RAB31: variants seen among roughly 807,000 people sequenced by gnomAD.
RAB31 encodes RAB31, member RAS oncogene family.
A neutral mutation model predicts 25.6 loss-of-function variants in RAB31; 21 were observed. That is an observed-to-expected ratio of 0.82 (90% CI 0.58 to 1.18). The LOEUF is 1.18. Among genes scored for constraint, RAB31 ranks in the 50% most tolerant of loss-of-function variants. RAB31 has a pLI of 0.00. For synonymous variants in RAB31, 87 were observed against 84.0 expected (o/e 1.04, Z -0.20); for missense variants, 196 against 250.1 (o/e 0.78, Z 1.46).
intron 1 of RAB31, among the ~76,000 whole-genome samples, chr18:9,737,215 C>G (rs2068155375): frequency 6.6e-6 from 1 of 152,158 alleles, no homozygotes; most frequent in Non-Finnish European, 1.5e-5. Context: ...CAGTTTAATT[C>G]TATAGCAGTC....
At position 9,853,462 on chromosome 18, in the gene RAB31, C is replaced by T. The variant is rs144338597; in HGVS notation, c.491-5766C>T. Among the ~76,000 whole-genome samples, 545 of 152,292 alleles carry T rather than the reference C, an allele frequency of 3.6e-3. 1 individual carries two copies. Among genetic ancestry groups the T allele is most frequent in the Non-Finnish European group, 6.3e-3 (428 of 68,028 alleles). On this transcript the variant is annotated intron_variant, in intron 6 of 6. Coordinates refer to ENST00000578921, the MANE Select transcript of RAB31 (RefSeq NM_006868.4). ...GCTACACACTGTATGACTCCAACTA[C>T]ATGACACTCTGGAGAAGACAAAATT...
At chr18:9,749,632 C>T (rs2068223932) in intron 1 of RAB31, among the ~76,000 whole-genome samples, 1 of 152,126 alleles carries the variant, frequency 6.6e-6, no homozygotes, top group Non-Finnish European at 1.5e-5. Context: ...TTTTGTCTTC[C>T]TTAAATTAGA....
rs188716478 is a variant in RAB31 at position 9,856,760 on chromosome 18, G to A, written c.491-2468G>A. ...AGGTGCAAAAGCAAAAGTCCTGATT[G>A]CAGTGTGTAACACACTCAGGAGGCT... On this transcript the variant is annotated intron_variant, in intron 6 of 6. Transcript: ENST00000578921. 1.3e-4 allele frequency among the ~76,000 whole-genome samples: 20 copies of A among 152,250 alleles called. No homozygotes were observed. In the East Asian group the frequency reaches 3.3e-3, roughly 25 times the overall value.
At chr18:9,834,388 T>C (rs889686240) in intron 5 of RAB31, among the ~76,000 whole-genome samples, 1 of 152,192 alleles carries the variant, frequency 6.6e-6, no homozygotes, top group Non-Finnish European at 1.5e-5. Context: ...AGTGCTGGGA[T>C]TACAGGCTTG....
At chr18:9,800,988 C>G (rs188349430) in intron 3 of RAB31, among the ~76,000 whole-genome samples, 178 of 152,246 alleles carry the variant, frequency 1.2e-3, no homozygotes, top group African/African-American at 4.2e-3. Flanking sequence ...TCTACATCCC[C>G]CAGCCCTGGG....
rs561250101 is a variant in RAB31 at position 9,778,033 on chromosome 18, G to A, written c.119+2676G>A. Among the ~76,000 whole-genome samples, 173 of 152,166 alleles carry A rather than the reference G, an allele frequency of 1.1e-3. 2 individuals are homozygous for A. The highest frequency in any genetic ancestry group is 2.2e-3 in the Non-Finnish European group (153 of 68,012). On this transcript the variant is annotated intron_variant, in intron 2 of 6. Transcript: ENST00000578921. ...CTCCCAAAGTGCTGGGATTACAGGCGTGAGCCACTGCACCCGGCCTGTAAT... is the reference window on the plus strand; with the variant it reads ...CTCCCAAAGTGCTGGGATTACAGGCATGAGCCACTGCACCCGGCCTGTAAT...
At chr18:9,762,054 T>A (rs776541619) in intron 1 of RAB31, among the ~76,000 whole-genome samples, 1 of 152,140 alleles carries the variant, frequency 6.6e-6, no homozygotes, top group Non-Finnish European at 1.5e-5. Flanking sequence ...GTGATCCACC[T>A]GCCTCGGCCT....
At chr18:9,854,716 G>A (rs972131101) in intron 6 of RAB31, among the ~76,000 whole-genome samples, 1 of 152,172 alleles carries the variant, frequency 6.6e-6, no homozygotes, top group Non-Finnish European at 1.5e-5. Context: ...ACTTCAAGTA[G>A]CATGTGTGTG....
At chr18:9,773,059 T>C (rs950774572) in intron 1 of RAB31, among the ~76,000 whole-genome samples, 1 of 152,202 alleles carries the variant, frequency 6.6e-6, no homozygotes, top group Non-Finnish European at 1.5e-5. Flanking sequence ...ATTTGCACGA[T>C]GCAGATAAAC....
intron 1 of RAB31, among the ~76,000 whole-genome samples, chr18:9,762,604 C>CT (rs2068294888): frequency 6.6e-6 from 1 of 152,158 alleles, no homozygotes; most frequent in African/African-American, 2.4e-5. Context: ...GCCACATTCT[C>CT]TATTTCTGCT....
chr18:9,748,252 C>T (rs1320896101), intron 1 of RAB31, among the ~76,000 whole-genome samples: 1 of 151,956 alleles, frequency 6.6e-6, no homozygotes, highest in Admixed American at 6.6e-5. Flanking sequence ...ATCTCAGCAC[C>T]TTGGGAGGCC....
intron 1 of RAB31, among the ~76,000 whole-genome samples, chr18:9,731,596 CTTTTTTTT>C (rs10685568): frequency 9.3e-6 from 1 of 107,636 alleles, no homozygotes; most frequent in Admixed American, 1.1e-4. Flanking sequence ...TGGGAATTTG[CTTTTTTTT>C]TTTTTTTTTT....
intron 6 of RAB31, among the ~76,000 whole-genome samples, chr18:9,851,183 A>G (rs2068787689): frequency 6.6e-6 from 1 of 150,918 alleles, no homozygotes; most frequent in South Asian, 2.1e-4. Context: ...CCACTTTCTC[A>G]CCCCAAAAAA....
At chr18:9,796,445 A>C (rs2068487582) in intron 3 of RAB31, among the ~76,000 whole-genome samples, 1 of 152,232 alleles carries the variant, frequency 6.6e-6, no homozygotes, top group Non-Finnish European at 1.5e-5. Context: ...ATATGCACCT[A>C]ATCTTAATCT....
intron 5 of RAB31, among the ~76,000 whole-genome samples, chr18:9,835,071 A>G (rs1406300281): frequency 2.0e-5 from 3 of 152,162 alleles, no homozygotes; most frequent in Admixed American, 6.5e-5. Flanking sequence ...TGAAGTTAAT[A>G]TCCTCTTCGT....
Position 9,815,233 on chromosome 18 carries a change from T to C in RAB31, c.380+11T>C, listed in dbSNP as rs758524996. 3 of 1,506,138 alleles carry C rather than the reference T, an allele frequency of 2.0e-6. No homozygotes were observed. In the African/African-American group the frequency reaches 4.2e-5, roughly 21 times the overall value. 93.3% of individuals were successfully genotyped at this position (1,506,138 alleles called of 1,614,324 possible). A position where few individuals can be genotyped will look rare whatever the true frequency, so the allele number is the denominator to read the frequency against. On this transcript the variant is annotated intron_variant, in intron 5 of 6. Coordinates refer to ENST00000578921, the MANE Select transcript of RAB31 (RefSeq NM_006868.4). ...CCTCTCAGATATTAGGTAAGATGCA[T>C]TGAAATCTCTTTTGTGTAGATACTG...
Position 9,815,206 on chromosome 18 carries a change from G to A in RAB31, c.364G>A (p.Asp122Asn), listed in dbSNP as rs1376713467. 3.9e-6 allele frequency: 6 copies of A among 1,549,040 alleles called. No homozygotes were observed. The highest frequency in any genetic ancestry group is 5.3e-6 in the Non-Finnish European group (6 of 1,142,750). Residue 122 changes from aspartate to asparagine, a missense_variant, in exon 5 of 7, where the codon GAC becomes AAC. Coordinates refer to ENST00000578921, the MANE Select transcript of RAB31 (RefSeq NM_006868.4). ...AATGGCCATCGCTGGAAACAAGTGCGACCTCTCAGATATTAGGTAAGATGC... is the reference window on the plus strand; with the variant it reads ...AATGGCCATCGCTGGAAACAAGTGCAACCTCTCAGATATTAGGTAAGATGC... Reference protein sequence around the residue: ...IVMAIAGNKCDLSDIREVPLK... With the variant: ...IVMAIAGNKCNLSDIREVPLK...
intron 3 of RAB31, among the ~76,000 whole-genome samples, chr18:9,796,882 A>C (rs1260217189): frequency 6.6e-6 from 1 of 152,110 alleles, no homozygotes; most frequent in East Asian, 1.9e-4. Context: ...GCTTTAAAAG[A>C]CCTTCAGAAT....
At chr18:9,791,491 G>A (rs1483554079) in intron 2 of RAB31, among the ~76,000 whole-genome samples, 1 of 149,070 alleles carries the variant, frequency 6.7e-6, no homozygotes, top group Non-Finnish European at 1.5e-5. Context: ...TCTGCCTCCC[G>A]GGTTCAAGTG....
Sources: allele counts gnomAD v4.1 joint callset (sites outside exome capture counted in the v4.1 genomes callset), GRCh38; gene constraint gnomAD v4.1.1; transcripts MANE v1.5; gene names NCBI Gene and HGNC (gene_info 2026-07-23, HGNC 2026-07-21).